The following EZH1 variants were observed in gnomAD, a reference collection of about 807,000 sequenced individuals.
The protein encoded by EZH1 is histone-lysine N-methyltransferase EZH1.
EZH1 carries 33 observed loss-of-function variants against 100.5 expected under a neutral mutation model. The observed-to-expected ratio is 0.33, with a 90% CI of 0.25 to 0.44. The LOEUF (loss-of-function observed/expected upper bound fraction) is 0.44, where lower values mean the gene tolerates loss of function less well. EZH1 is among the 20% of genes least tolerant of loss of function. EZH1 has a pLI of 1.00. For synonymous variants in EZH1, 272 were observed against 313.8 expected (o/e 0.87, Z 1.41); for missense variants, 475 against 928.4 (o/e 0.51, Z 6.35).
chr17:42,744,515 C>G (rs1312345637), intron 1 of EZH1, among the ~76,000 whole-genome samples: 1 of 152,146 alleles, frequency 6.6e-6, no homozygotes, highest in Non-Finnish European at 1.5e-5. Context: ...GAGCCTTACT[C>G]ACCTCACCCT....
At chr17:42,731,783 C>G (rs1207989352) in intron 1 of EZH1, 1 of 151,818 alleles carries the variant, frequency 6.6e-6, no homozygotes, top group Admixed American at 6.6e-5. Flanking sequence ...ACCTGTAATC[C>G]CAGCTACTCG....
chr17:42,703,612 C>A, intron 19 of EZH1, 128 bp downstream of exon 19: 1 of 678,182 alleles, frequency 1.5e-6, no homozygotes, highest in Non-Finnish European at 2.6e-6. Flanking sequence ...TAAAATGATA[C>A]CAGATATTAA....
intron 1 of EZH1, among the ~76,000 whole-genome samples, chr17:42,734,578 G>A (rs940189299): frequency 6.7e-6 from 1 of 150,318 alleles, no homozygotes; most frequent in Non-Finnish European, 1.5e-5. Flanking sequence ...TGAGTTGGGA[G>A]AATCACCTAA....
At position 42,704,199 on chromosome 17, in the gene EZH1, C is replaced by A. The variant is rs143271664; in HGVS notation, c.2018-379G>T. Among the ~76,000 whole-genome samples, 96 of 152,202 alleles carry A rather than the reference C, an allele frequency of 6.3e-4. 1 individual carries two copies. In the East Asian group the frequency reaches 0.018, roughly 29 times the overall value. On this transcript the variant is annotated intron_variant, in intron 18 of 20. Coordinates refer to ENST00000428826, the MANE Select transcript of EZH1 (RefSeq NM_001991.5). ...TGCTCTATGCATCTGCTGGAAGATTCGGAGCTGATCTAAACTTGGACTACA... is the reference window on the plus strand; with the variant it reads ...TGCTCTATGCATCTGCTGGAAGATTAGGAGCTGATCTAAACTTGGACTACA...
chr17:42,732,705 C>T (rs887014770), intron 1 of EZH1, among the ~76,000 whole-genome samples: 1 of 152,106 alleles, frequency 6.6e-6, no homozygotes, highest in African/African-American at 2.4e-5. Context: ...GGGGGCGGAG[C>T]CTGCAGTGAG....
At chr17:42,702,794 C>T in intron 20 of EZH1, 83 bp downstream of exon 20, 1 of 1,476,970 alleles carries the variant, frequency 6.8e-7, no homozygotes, top group South Asian at 1.1e-5. Context: ...CTCCATTACC[C>T]TCCCTGAGCC....
intron 3 of EZH1, 27 bp from the exon 4 acceptor site, chr17:42,727,790 A>T (rs776778067): frequency 3.8e-5 from 55 of 1,462,272 alleles, no homozygotes; most frequent in Non-Finnish European, 4.7e-5. Flanking sequence ...AAAGATTAAG[A>T]TATATTGTTA....
chr17:42,719,095 C>A lies in EZH1; in HGVS notation c.767+10G>T. ...TCTGTATATGGCCTAAGTGGGACAG[C>A]TTTCCCTACCTCTCCTTCATGTCAT... On this transcript the variant is annotated intron_variant, in intron 8 of 20. Transcript: ENST00000428826. The A allele has an allele frequency of 6.2e-7, 1 of 1,606,672 alleles. No homozygotes were observed. The highest frequency in any genetic ancestry group is 1.1e-5 in the South Asian group (1 of 90,900).
intron 13 of EZH1, chr17:42,709,560 A>C (rs1403336378): frequency 3.3e-6 from 1 of 304,924 alleles, no homozygotes; most frequent in Non-Finnish European, 6.0e-6. Context: ...AAATGGCTTC[A>C]GGGTGGAGCC....
Position 42,706,232 on chromosome 17 carries a change from C to T in EZH1, c.1661-47G>A. The T allele has an allele frequency of 2.6e-6, 4 of 1,528,812 alleles. No individual in the cohort carries two copies. The highest frequency in any genetic ancestry group is 2.3e-5 in the East Asian group (1 of 42,796). The allele number at this position is 1,528,812 out of a possible 1,614,324, so 94.7% of individuals were successfully genotyped here. Reference sequence around the variant, plus strand: ...GTCTTAGAAGGGAAATAAGCTAATACTGGGGCTTGTGGTTGACTCAAGGGA... The same window carrying T: ...GTCTTAGAAGGGAAATAAGCTAATATTGGGGCTTGTGGTTGACTCAAGGGA... On this transcript the variant is annotated intron_variant, in intron 15 of 20. Transcript: ENST00000428826. The surrounding 1 kb of genome is among the most constrained non-coding windows in gnomAD (Gnocchi z 4.4).
intron 2 of EZH1, among the ~76,000 whole-genome samples, chr17:42,730,536 G>A (rs1180289707): frequency 1.2e-4 from 13 of 110,390 alleles, no homozygotes; most frequent in Admixed American, 1.0e-3. Flanking sequence ...TCGCTCTGTC[G>A]CCCAGGCTGG....
At chr17:42,711,796 G>C (rs575109108) in intron 12 of EZH1, among the ~76,000 whole-genome samples, 2 of 152,282 alleles carry the variant, frequency 1.3e-5, no homozygotes, top group Non-Finnish European at 2.9e-5. Flanking sequence ...GGGCGACACA[G>C]TGAAACCCTG....
At chr17:42,727,353 A>C (rs2053840810) in intron 4 of EZH1, among the ~76,000 whole-genome samples, 1 of 152,074 alleles carries the variant, frequency 6.6e-6, no homozygotes, top group Admixed American at 6.6e-5. Flanking sequence ...TCTGGGCTCA[A>C]GAAATCCTTC....
intron 10 of EZH1, 106 bp from the exon 11 acceptor site, chr17:42,713,495 T>TA: frequency 2.8e-6 from 3 of 1,063,528 alleles, no homozygotes; most frequent in Non-Finnish European, 3.9e-6. Flanking sequence ...AATAATAGTG[T>TA]CTTTTCTTTT....
At chr17:42,715,709 A>G (rs1567991586) in intron 10 of EZH1, among the ~76,000 whole-genome samples, 2 of 152,136 alleles carry the variant, frequency 1.3e-5, no homozygotes, top group Admixed American at 6.6e-5. Context: ...GAACTTTTAA[A>G]AAGATTTTAA....
chr17:42,712,343 G>A lies in EZH1; in HGVS notation c.1347C>T (p.Tyr449=), dbSNP rs777539169. 3.7e-6 allele frequency: 6 copies of A among 1,614,054 alleles called. No individual in the cohort carries two copies. The East Asian group carries it at 1.1e-4, about 30-fold the overall frequency. ...ESLFRVFHGT[Y]FNNFCSIARL... is the part of the protein sequence containing the mutation. ...TGGCTATTGAACAGAAGTTGTTGAA[G>A]TAGGTGCCATGGAAGACTCGAAAAA... The change falls in exon 12 of 21, where the codon TAC becomes TAT. Residue 449 remains tyrosine, a synonymous_variant. Coordinates refer to ENST00000428826, the MANE Select transcript of EZH1 (RefSeq NM_001991.5).
chr17:42,708,793 G>T, intron 14 of EZH1, 83 bp downstream of exon 14: 1 of 1,448,930 alleles, frequency 6.9e-7, no homozygotes, highest in Non-Finnish European at 9.7e-7. Flanking sequence ...GGGTCAACAA[G>T]TGCAGCTGGA....
chr17:42,710,625 GTTTGT>G (rs2053459073), intron 12 of EZH1, among the ~76,000 whole-genome samples: 1 of 121,182 alleles, frequency 8.3e-6, no homozygotes, highest in Non-Finnish European at 1.8e-5. Context: ...TTCTGTTTTT[GTTTGT>G]TTTTTTTTTT....
chr17:42,732,963 C>G (rs2053981457), intron 1 of EZH1, among the ~76,000 whole-genome samples: 1 of 145,566 alleles, frequency 6.9e-6, no homozygotes, highest in African/African-American at 2.6e-5. Context: ...TGCAATGGCT[C>G]ATGCCTATAA....
Sources: gnomAD v4.1 joint callset for allele counts (sites outside exome capture counted in the v4.1 genomes callset) on GRCh38, gnomAD v4.1.1 for gene constraint, Gnocchi (gnomAD v3.1) non-coding constraint, MANE v1.5 for transcripts, NCBI Gene and HGNC (gene_info 2026-07-23, HGNC 2026-07-21) for gene names.